The following DPYSL5 variants were observed in gnomAD, a reference collection of about 807,000 sequenced individuals.
The protein encoded by DPYSL5 is dihydropyrimidinase like 5, also known as dihydropyrimidinase-related protein 5.
Under a neutral mutation model 58.4 loss-of-function variants are expected in DPYSL5, and 9 were observed. The observed-to-expected ratio is 0.15, with a 90% CI of 0.09 to 0.27. DPYSL5 has a LOEUF of 0.27. Ranked by LOEUF, DPYSL5 falls within the 10% of genes least tolerant of loss-of-function variation. The pLI is 1.00. For missense variants in DPYSL5, 499 were observed against 770.6 expected, an observed-to-expected ratio of 0.65 and a Z score of 4.17; for synonymous variants, 293 against 301.9, an observed-to-expected ratio of 0.97 and a Z score of 0.31.
chr2:26,854,652 C>G (rs1483523955), intron 1 of DPYSL5, among the ~76,000 whole-genome samples: 1 of 152,180 alleles, frequency 6.6e-6, no homozygotes. Context: ...ATTTGGACCT[C>G]TTTTCTCGTC....
Position 26,880,709 on chromosome 2 carries a change from A to G in DPYSL5, c.-4-17787A>G, listed in dbSNP as rs75691978. 2.5e-3 allele frequency among the ~76,000 whole-genome samples: 382 copies of G among 152,246 alleles called. 3 individuals carry two copies. The highest frequency in any genetic ancestry group is 8.6e-3 in the African/African-American group (356 of 41,536). On this transcript the variant is annotated intron_variant, in intron 1 of 12. Coordinates refer to ENST00000288699, the MANE Select transcript of DPYSL5 (RefSeq NM_020134.4). ...GACCAAACACCCACAACCAGCACAG[A>G]ACTCTCTTTTGAGAAGACTTCTTTC...
chr2:26,907,542 T>C (rs955409890), intron 2 of DPYSL5, among the ~76,000 whole-genome samples: 6 of 152,142 alleles, frequency 3.9e-5, no homozygotes, highest in African/African-American at 1.4e-4. Context: ...TGTATGGATC[T>C]TCCCCCTGGG....
At position 26,898,693 on chromosome 2, in the gene DPYSL5, C is replaced by A; in HGVS notation, c.194C>A (p.Thr65Asn). The change falls in exon 2 of 13, where the codon ACC (threonine) becomes AAC (asparagine). Residue 65 changes from threonine to asparagine, a missense_variant. This residue lies in a region of DPYSL5 where 404 missense variants were observed against 647.6 expected (regional missense o/e 0.62). Transcript: ENST00000288699. This position sits in a 1 kb window ranked among gnomAD's most constrained non-coding sequence, Gnocchi z 6.1. Reference protein sequence around the residue: ...GKLVIPGGIDTSTHFHQTFMN... With the variant: ...GKLVIPGGIDNSTHFHQTFMN... ...CTGGTGATCCCTGGTGGCATCGACACCAGCACCCACTTCCACCAGACCTTC... is the reference window on the plus strand; with the variant it reads ...CTGGTGATCCCTGGTGGCATCGACAACAGCACCCACTTCCACCAGACCTTC... 1 of 1,614,140 alleles carries A rather than the reference C, an allele frequency of 6.2e-7. No individual in the cohort carries two copies. The highest frequency in any genetic ancestry group is 1.3e-5 in the African/African-American group (1 of 75,048).
Position 26,927,117 on chromosome 2 carries a change from T to C in DPYSL5, c.421-136T>C. On this transcript the variant is annotated intron_variant, in intron 3 of 12. Transcript: ENST00000288699. The surrounding 1 kb of genome is among the most constrained non-coding windows in gnomAD (Gnocchi z 4.3). The stretch of plus-strand genomic sequence containing the variant: ...CCTGTGGGGTGGGAGGAAAGTGAGA[T>C]AGAGAGGTGTGGGGGGTCAACCGAC... The C allele has an allele frequency of 1.2e-6, 1 of 839,480 alleles. No individual in the cohort carries two copies. Among genetic ancestry groups the C allele is most frequent in the Non-Finnish European group, 1.8e-6 (1 of 551,428 alleles). The allele number at this position is 839,480 out of a possible 1,614,324, so 52.0% of individuals were successfully genotyped here. A position where few individuals can be genotyped will look rare whatever the true frequency, so the allele number is the denominator to read the frequency against.
At chr2:26,858,752 TC>T (rs769987331) in intron 1 of DPYSL5, among the ~76,000 whole-genome samples, 82 of 50,696 alleles carry the variant, frequency 1.6e-3, no homozygotes, top group African/African-American at 7.1e-3. Context: ...TTTTTTTTTT[TC>T]CGTAGAGATA....
intron 1 of DPYSL5, among the ~76,000 whole-genome samples, chr2:26,871,671 C>A (rs1663265676): frequency 6.6e-6 from 1 of 152,008 alleles, no homozygotes; most frequent in Non-Finnish European, 1.5e-5. Context: ...GAACTCCTGG[C>A]TTCAAGTGAT....
At chr2:26,879,283 T>C (rs887429275) in intron 1 of DPYSL5, among the ~76,000 whole-genome samples, 1 of 152,078 alleles carries the variant, frequency 6.6e-6, no homozygotes, top group African/African-American at 2.4e-5. Flanking sequence ...GAACCAACAG[T>C]GTTTTGTTTG....
intron 1 of DPYSL5, among the ~76,000 whole-genome samples, chr2:26,854,024 A>G (rs1167702469): frequency 6.6e-6 from 1 of 152,038 alleles, no homozygotes; most frequent in East Asian, 1.9e-4. Context: ...TGAGCAACAG[A>G]GCAAGACTCT....
Position 26,892,672 on chromosome 2 carries a change from A to C in DPYSL5, c.-4-5824A>C, listed in dbSNP as rs546704946. Among the ~76,000 whole-genome samples, 390 of 152,076 alleles carry C rather than the reference A, an allele frequency of 2.6e-3. 2 individuals are homozygous for C. The highest frequency in any genetic ancestry group is 4.8e-3 in the Non-Finnish European group (326 of 67,980). ...GGCAATGACATAGAGAACTAAAAAAAAAAAACAAAAACAAAAAAACAAACA... is the reference window on the plus strand; with the variant it reads ...GGCAATGACATAGAGAACTAAAAAACAAAAACAAAAACAAAAAAACAAACA... On this transcript the variant is annotated intron_variant, in intron 1 of 12. Coordinates refer to ENST00000288699, the MANE Select transcript of DPYSL5 (RefSeq NM_020134.4).
intron 2 of DPYSL5, among the ~76,000 whole-genome samples, chr2:26,902,411 C>T (rs148384286): frequency 6.6e-6 from 1 of 152,040 alleles, no homozygotes; most frequent in South Asian, 2.1e-4. Flanking sequence ...TTTAAAACTA[C>T]AAGCATTCAT....
At chr2:26,907,405 C>T (rs368412454) in intron 2 of DPYSL5, among the ~76,000 whole-genome samples, 6 of 152,290 alleles carry the variant, frequency 3.9e-5, no homozygotes, top group East Asian at 1.9e-4. Flanking sequence ...TGAGCTACTG[C>T]GCCCAGCCCA....
chr2:26,907,087 TC>T (rs1664313356), intron 2 of DPYSL5, among the ~76,000 whole-genome samples: 1 of 150,668 alleles, frequency 6.6e-6, no homozygotes. Context: ...TTTTTAAAAC[TC>T]CACATTTACA....
intron 9 of DPYSL5, among the ~76,000 whole-genome samples, chr2:26,941,700 G>T (rs902268672): frequency 6.6e-6 from 1 of 152,226 alleles, no homozygotes; most frequent in Non-Finnish European, 1.5e-5. Context: ...TTTGCCCCCG[G>T]GCAGGAAGCC....
rs539150555 is a variant in DPYSL5 at position 26,931,834 on chromosome 2, C to T, written c.714+150C>T. On this transcript the variant is annotated intron_variant, in intron 6 of 12. Coordinates refer to ENST00000288699, the MANE Select transcript of DPYSL5 (RefSeq NM_020134.4). ...ACCAGCCTGGCCAACATGGTGAAAC[C>T]CCATTGCTACTAAAAATACAAAAAT... 5.4e-5 allele frequency: 39 copies of T among 726,964 alleles called. No individual in the cohort carries two copies. In the East Asian group the frequency reaches 8.6e-4, roughly 16 times the overall value. The allele number at this position is 726,964 out of a possible 1,614,324, so 45.0% of individuals were successfully genotyped here.
At chr2:26,871,324 C>T (rs1663257546) in intron 1 of DPYSL5, among the ~76,000 whole-genome samples, 1 of 152,044 alleles carries the variant, frequency 6.6e-6, no homozygotes, top group East Asian at 1.9e-4. Flanking sequence ...GACTGTTTAC[C>T]TAATATTTTT....
chr2:26,871,688 G>A (rs182875496), intron 1 of DPYSL5, among the ~76,000 whole-genome samples: 16 of 152,140 alleles, frequency 1.1e-4, no homozygotes, highest in Admixed American at 2.0e-4. Context: ...TGATCCACCC[G>A]CCTCGGCCTT....
intron 1 of DPYSL5, among the ~76,000 whole-genome samples, chr2:26,863,967 G>A (rs1666080826): frequency 6.6e-6 from 1 of 152,140 alleles, no homozygotes; most frequent in East Asian, 1.9e-4. Context: ...GTTAGACCGG[G>A]TGCAGTGGCT....
At chr2:26,872,546 T>A (rs1663292563) in intron 1 of DPYSL5, among the ~76,000 whole-genome samples, 1 of 152,026 alleles carries the variant, frequency 6.6e-6, no homozygotes, top group South Asian at 2.1e-4. Flanking sequence ...AAAATTCAGC[T>A]GGGTGTGGTG....
chr2:26,889,684 T>G (rs1012961388), intron 1 of DPYSL5, among the ~76,000 whole-genome samples: 1 of 149,626 alleles, frequency 6.7e-6, no homozygotes, highest in African/African-American at 2.5e-5. Context: ...AGAACCTGCA[T>G]AGCGTAGGGA....
Sources: allele counts gnomAD v4.1 joint callset (sites outside exome capture counted in the v4.1 genomes callset), GRCh38; gene constraint gnomAD v4.1.1; regional missense constraint gnomAD v4.1.1; non-coding constraint Gnocchi (gnomAD v3.1); transcripts MANE v1.5; gene names NCBI Gene and HGNC (gene_info 2026-07-23, HGNC 2026-07-21).